Variants in DST observed in about 807,000 individuals in gnomAD.
The protein encoded by DST is bullous pemphigoid antigen.
A neutral mutation model predicts 875.2 loss-of-function variants in DST; 253 were observed. The ratio of observed to expected loss-of-function variants is 0.29; its 90% CI spans 0.26 to 0.32. The LOEUF is 0.32. DST is among the 10% of genes least tolerant of loss of function. The pLI, the probability that DST is intolerant of heterozygous loss-of-function variation, is 1.00. For synonymous variants in DST, 3,124 were observed against 3,197.1 expected (o/e 0.98, Z 0.77); for missense variants, 8,287 against 9,111.6 (o/e 0.91, Z 3.68).
intron 61 of DST, among the ~76,000 whole-genome samples, chr6:56,543,898 C>T: frequency 6.7e-6 from 1 of 149,778 alleles, no homozygotes; most frequent in East Asian, 1.9e-4. Context: ...ATAATGAAAA[C>T]TCTATCGGTA....
intron 47 of DST, 33 bp from the exon 48 acceptor site, chr6:56,594,226 G>T: frequency 1.3e-6 from 2 of 1,495,972 alleles, no homozygotes; most frequent in Non-Finnish European, 1.8e-6. Context: ...TAATCTTCAA[G>T]CAGTAACGGG....
chr6:56,610,176 A>G (rs1201170920), intron 39 of DST, among the ~76,000 whole-genome samples: 1 of 152,200 alleles, frequency 6.6e-6, no homozygotes, highest in African/African-American at 2.4e-5. Flanking sequence ...GAAGAGTTAG[A>G]AGAATGAATG....
At chr6:56,598,771 G>A in intron 45 of DST, 62 bp from the exon 46 acceptor site, 2 of 1,025,156 alleles carry the variant, frequency 2.0e-6, no homozygotes, top group South Asian at 2.0e-5. Context: ...TTCTTCCAGA[G>A]TTGTAATTCT....
chr6:56,910,648 C>T (rs1409496862), intron 2 of DST, among the ~76,000 whole-genome samples: 2 of 151,924 alleles, frequency 1.3e-5, no homozygotes, highest in African/African-American at 4.8e-5. Context: ...CCACACCTGG[C>T]TAATTTTTGT....
intron 75 of DST, 144 bp from the exon 76 acceptor site, chr6:56,506,933 T>G: frequency 2.3e-6 from 2 of 859,396 alleles, no homozygotes; most frequent in Non-Finnish European, 3.3e-6. Flanking sequence ...GCAATAAATT[T>G]TTTCAACAAG....
At chr6:56,475,399 AC>A (rs1290246493) in intron 92 of DST, among the ~76,000 whole-genome samples, 1 of 86,812 alleles carries the variant, frequency 1.2e-5, no homozygotes, top group Non-Finnish European at 2.7e-5. Flanking sequence ...TTTAAAACAC[AC>A]ACACACACAC....
In DST at chr6:56,528,144, T is replaced by A. The variant is rs555250838; in HGVS notation, c.17681-410A>T. 4.6e-5 allele frequency among the ~76,000 whole-genome samples: 7 copies of A among 152,372 alleles called. No individual in the cohort carries two copies. In the South Asian group the frequency reaches 1.4e-3, roughly 32 times the overall value. On this transcript the variant is annotated intron_variant, in intron 67 of 103. Coordinates refer to ENST00000680361, the MANE Select transcript of DST (RefSeq NM_001374736.1). The stretch of plus-strand genomic sequence containing the variant: ...TCTTAGTTATTCATCATTACTCATC[T>A]GCACTATTCCAACAGATCTTTATTT...
chr6:56,759,369 T>G (rs538116376), intron 4 of DST, among the ~76,000 whole-genome samples: 2 of 152,054 alleles, frequency 1.3e-5, no homozygotes, highest in South Asian at 4.2e-4. Context: ...GAGAATTGCT[T>G]TAATCGGGGA....
At chr6:56,620,423 A>T (rs1224650377) in intron 36 of DST, 12 of 1,613,928 alleles carry the variant, frequency 7.4e-6, no homozygotes, top group Non-Finnish European at 1.0e-5. Flanking sequence ...CTTCTCTCTC[A>T]CAATGGTTTC....
intron 10 of DST, among the ~76,000 whole-genome samples, chr6:56,665,298 AC>A (rs2099066708): frequency 6.6e-6 from 1 of 152,070 alleles, no homozygotes; most frequent in African/African-American, 2.4e-5. Context: ...AATTTTGGTA[AC>A]TAATTAGTTA....
At chr6:56,908,901 C>T (rs1797673865) in intron 2 of DST, among the ~76,000 whole-genome samples, 1 of 152,206 alleles carries the variant, frequency 6.6e-6, no homozygotes, top group Non-Finnish European at 1.5e-5. Flanking sequence ...AAGGGGGATG[C>T]ATGAATAATC....
At chr6:56,745,860 G>A (rs980414315) in intron 4 of DST, among the ~76,000 whole-genome samples, 3 of 152,220 alleles carry the variant, frequency 2.0e-5, no homozygotes, top group Non-Finnish European at 4.4e-5. Flanking sequence ...TTCTAATCAG[G>A]AAATGCAGAT....
intron 47 of DST, among the ~76,000 whole-genome samples, chr6:56,596,465 CACT>C (rs562217558): frequency 4.7e-4 from 72 of 152,340 alleles, no homozygotes; most frequent in African/African-American, 1.7e-3. Flanking sequence ...CAGTATTTCT[CACT>C]ACTTTGGTCA....
intron 3 of DST, among the ~76,000 whole-genome samples, chr6:56,898,507 G>A (rs1157466714): frequency 6.6e-6 from 1 of 152,158 alleles, no homozygotes; most frequent in Admixed American, 6.5e-5. Context: ...AAGAAGCAAA[G>A]AATTAGCTAG....
At chr6:56,915,039 C>T (rs932370899) in intron 2 of DST, among the ~76,000 whole-genome samples, 5 of 152,306 alleles carry the variant, frequency 3.3e-5, no homozygotes, top group African/African-American at 9.6e-5. Context: ...GACAGTCATG[C>T]GCAATGACAG....
chr6:56,600,293 T>A, intron 44 of DST, 72 bp from the exon 45 acceptor site: 7 of 1,421,434 alleles, frequency 4.9e-6, no homozygotes, highest in Non-Finnish European at 6.8e-6. Context: ...TAGCTTCTTA[T>A]TAGAACACAT....
intron 61 of DST, among the ~76,000 whole-genome samples, chr6:56,548,911 A>C (rs1489197648): frequency 6.6e-6 from 1 of 152,218 alleles, no homozygotes; most frequent in Non-Finnish European, 1.5e-5. Context: ...TACTTTCAAA[A>C]TCTCAGGATA....
intron 10 of DST, among the ~76,000 whole-genome samples, chr6:56,656,547 G>GT (rs1323528323): frequency 3.3e-5 from 5 of 152,192 alleles, no homozygotes; most frequent in Admixed American, 3.3e-4. Flanking sequence ...ACCCTAAGCA[G>GT]TAGGTTGTGT....
chr6:56,826,570 C>CT (rs1258168574), intron 4 of DST, among the ~76,000 whole-genome samples: 2 of 152,008 alleles, frequency 1.3e-5, no homozygotes, highest in Middle Eastern at 3.4e-3. Flanking sequence ...GAATTTTTTT[C>CT]TTTTTTTACA....
Sources: gnomAD v4.1 joint callset for allele counts (sites outside exome capture counted in the v4.1 genomes callset) on GRCh38, gnomAD v4.1.1 for gene constraint, MANE v1.5 for transcripts, NCBI Gene and HGNC (gene_info 2026-07-23, HGNC 2026-07-21) for gene names.